GAD1: variants seen among roughly 807,000 people sequenced by gnomAD.
GAD1 encodes glutamate decarboxylase 1, also known as 67 kDa glutamic acid decarboxylase.
A neutral mutation model predicts 75.2 loss-of-function variants in GAD1; 35 were observed. That is an observed-to-expected ratio of 0.47 (90% confidence interval 0.36 to 0.62). The LOEUF (loss-of-function observed/expected upper bound fraction) is 0.62, where lower values mean the gene tolerates loss of function less well. Ranked by LOEUF, GAD1 falls within the 20% of genes least tolerant of loss-of-function variation. The pLI, the probability that GAD1 is intolerant of heterozygous loss-of-function variation, is 0.00. For synonymous variants in GAD1, 257 were observed against 271.9 expected (o/e 0.95, Z 0.54); for missense variants, 490 against 758.5 (o/e 0.65, Z 4.16).
chr2:170,847,454 G>A (rs575691734), intron 10 of GAD1, among the ~76,000 whole-genome samples: 1 of 152,290 alleles, frequency 6.6e-6, no homozygotes, highest in East Asian at 1.9e-4. Flanking sequence ...TAGCATCTAT[G>A]GCAGGGCCTG....
upstream of GAD1, among the ~76,000 whole-genome samples, chr2:170,815,017 C>T (rs1701669974): frequency 6.6e-6 from 1 of 152,154 alleles, no homozygotes; most frequent in African/African-American, 2.4e-5. Flanking sequence ...AGATGTGTTG[C>T]CTCCTCCTTC....
At chr2:170,849,723 A>G (rs1702710311) in intron 12 of GAD1, among the ~76,000 whole-genome samples, 3 of 152,208 alleles carry the variant, frequency 2.0e-5, no homozygotes, top group Admixed American at 2.0e-4. Flanking sequence ...GAGAAAGACA[A>G]TAAACAAGTA....
chr2:170,832,083 C>G (rs10191129), intron 5 of GAD1, among the ~76,000 whole-genome samples: 39,965 of 152,000 alleles, frequency 0.26, 5,620 homozygotes, highest in African/African-American at 0.35. Context: ...TCTGATAAAT[C>G]CTGCCCTTGC....
intron 14 of GAD1, 146 bp downstream of exon 14, chr2:170,854,168 A>G: frequency 1.2e-6 from 1 of 863,386 alleles, no homozygotes; most frequent in Non-Finnish European, 1.8e-6. Flanking sequence ...TTTCTTTGTG[A>G]ATGAAATTAC....
chr2:170,840,141 G>A (rs2105792066), intron 6 of GAD1, among the ~76,000 whole-genome samples: 1 of 152,282 alleles, frequency 6.6e-6, no homozygotes, highest in South Asian at 2.1e-4. Flanking sequence ...CAGGAAAATG[G>A]AGGATAATAG....
chr2:170,859,610 A>G lies in GAD1; in HGVS notation c.1612-99A>G, dbSNP rs10439259. The G allele has an allele frequency of 0.013, 15,377 of 1,186,954 alleles. 1,363 individuals carry two copies. The African/African-American group carries it at 0.2, about 15-fold the overall frequency. 73.5% of individuals were successfully genotyped at this position (1,186,954 alleles called of 1,614,324 possible). ...GAAATATTTCTTTGCTTTTATGTCA[A>G]TGTAAACACAAATAGTAAAATGCAA... is the stretch of plus-strand genomic sequence containing the variant. On this transcript the variant is annotated intron_variant, in intron 16 of 16. Coordinates refer to ENST00000358196, the MANE Select transcript of GAD1 (RefSeq NM_000817.3).
intron 5 of GAD1, among the ~76,000 whole-genome samples, chr2:170,833,757 C>T (rs1006558394): frequency 6.6e-6 from 1 of 152,202 alleles, no homozygotes; most frequent in African/African-American, 2.4e-5. Context: ...CACTCGTGAT[C>T]CCATCACGTT....
At chr2:170,833,663 G>A (rs1702296877) in intron 5 of GAD1, among the ~76,000 whole-genome samples, 1 of 152,168 alleles carries the variant, frequency 6.6e-6, no homozygotes, top group African/African-American at 2.4e-5. Flanking sequence ...ACATGATTTT[G>A]TCATAATATC....
chr2:170,841,193 C>G lies in GAD1; in HGVS notation c.639-2852C>G, dbSNP rs143888123. 2.9e-3 allele frequency among the ~76,000 whole-genome samples: 437 copies of G among 152,320 alleles called. 3 individuals carry two copies. The highest frequency in any genetic ancestry group is 3.4e-3 in the Non-Finnish European group (233 of 68,028). On this transcript the variant is annotated intron_variant, in intron 6 of 16. Transcript: ENST00000358196. The stretch of plus-strand genomic sequence containing the variant: ...CTTGTACTTTGACTTTAGCATCTAA[C>G]CAGCTTCTTCTGAATTCATATTTGA...
intron 3 of GAD1, among the ~76,000 whole-genome samples, chr2:170,828,545 TCACCCTCCTACCTC>T: frequency 1.5e-5 from 2 of 137,506 alleles, no homozygotes; most frequent in African/African-American, 2.8e-5. Flanking sequence ...TCTGCTGTCC[TCACCCTCCTACCTC>T]TGCTGTCCTC....
intron 15 of GAD1, among the ~76,000 whole-genome samples, chr2:170,858,571 C>T (rs1490639394): frequency 1.3e-5 from 2 of 152,136 alleles, no homozygotes; most frequent in African/African-American, 2.4e-5. Context: ...TGTTTAAAGT[C>T]GGTAACTTTA....
chr2:170,849,054 C>G (rs1279478738), intron 11 of GAD1: 2 of 597,090 alleles, frequency 3.3e-6, no homozygotes, highest in Non-Finnish European at 6.1e-6. Flanking sequence ...TCAGACCTGG[C>G]CTAGCTGTAT....
intron 3 of GAD1, among the ~76,000 whole-genome samples, chr2:170,823,596 G>T (rs1263814223): frequency 6.6e-6 from 1 of 152,132 alleles, no homozygotes; most frequent in Admixed American, 6.5e-5. Flanking sequence ...CCCTGTGCTG[G>T]GGCAGCCGGC....
In GAD1 at chr2:170,849,031, A is replaced by C. The variant is rs45543736; in HGVS notation, c.1120-255A>C. 2,015 of 546,538 alleles carry C rather than the reference A, an allele frequency of 3.7e-3. 14 individuals are homozygous for C. The highest frequency in any genetic ancestry group is 3.5e-3 in the Non-Finnish European group (1,059 of 299,798). The allele number at this position is 546,538 out of a possible 1,614,324, so 33.9% of individuals were successfully genotyped here. A position where few individuals can be genotyped will look rare whatever the true frequency, so the allele number is the denominator to read the frequency against. On this transcript the variant is annotated intron_variant, in intron 11 of 16. Coordinates refer to ENST00000358196, the MANE Select transcript of GAD1 (RefSeq NM_000817.3). The stretch of plus-strand genomic sequence containing the variant: ...TTGGACCTTTGGGTCTTGGCAGAAC[A>C]GGCACCTCAGGCTCAGACCTGGCCT...
chr2:170,835,288 A>C (rs1341242100), intron 5 of GAD1, among the ~76,000 whole-genome samples: 1 of 152,170 alleles, frequency 6.6e-6, no homozygotes, highest in African/African-American at 2.4e-5. Flanking sequence ...CTCCTAATCA[A>C]GAGATCTCCC....
intron 6 of GAD1, among the ~76,000 whole-genome samples, chr2:170,838,793 A>G (rs1275947193): frequency 6.6e-6 from 1 of 152,208 alleles, no homozygotes; most frequent in African/African-American, 2.4e-5. Flanking sequence ...AAACACTAAA[A>G]TGTGTCCCAG....
upstream of GAD1, chr2:170,816,507 G>C (rs1399333920): frequency 6.6e-6 from 1 of 152,122 alleles, no homozygotes; most frequent in Non-Finnish European, 1.5e-5. Context: ...GGGAGGGGGA[G>C]GGGAAATGGG....
At chr2:170,848,680 T>C (rs1479812996) in intron 11 of GAD1, 1 of 517,548 alleles carries the variant, frequency 1.9e-6, no homozygotes, top group East Asian at 5.4e-5. Context: ...CCCATTTTCT[T>C]AGGGATTTAA....
intron 2 of GAD1, 44 bp from the exon 3 acceptor site, chr2:170,822,043 C>G: frequency 2.6e-6 from 4 of 1,542,440 alleles, no homozygotes; most frequent in Non-Finnish European, 3.5e-6. Context: ...TCCCCGCGGT[C>G]GGAACCTCCC....
Sources: allele counts gnomAD v4.1 joint callset (sites outside exome capture counted in the v4.1 genomes callset), GRCh38; gene constraint gnomAD v4.1.1; transcripts MANE v1.5; gene names NCBI Gene and HGNC (gene_info 2026-07-23, HGNC 2026-07-21).